RIN2: variants seen among roughly 807,000 people sequenced by gnomAD.
RIN2 encodes the protein RAB5 interacting protein 2.
RIN2 carries 36 observed loss-of-function variants against 78.0 expected under a neutral mutation model. The ratio of observed to expected loss-of-function variants is 0.46; its 90% CI spans 0.35 to 0.61. The LOEUF (loss-of-function observed/expected upper bound fraction) is 0.61, where lower values mean the gene tolerates loss of function less well. Among genes scored for constraint, RIN2 ranks in the 20% least tolerant of loss-of-function variants. RIN2 has a pLI of 0.00. For missense variants in RIN2, 1,087 were observed against 1,159.7 expected, an observed-to-expected ratio of 0.94 and a Z score of 0.91; for synonymous variants, 466 against 466.8, an observed-to-expected ratio of 1.00 and a Z score of 0.02.
At chr20:19,824,479 T>C (rs2036024450) in intron 2 of RIN2, among the ~76,000 whole-genome samples, 1 of 151,420 alleles carries the variant, frequency 6.6e-6, no homozygotes, top group Non-Finnish European at 1.5e-5. Flanking sequence ...AGATTTATGG[T>C]GTATCTAGTG....
At chr20:19,953,875 G>A (rs1451333255) in intron 4 of RIN2, among the ~76,000 whole-genome samples, 9 of 152,112 alleles carry the variant, frequency 5.9e-5, no homozygotes. Flanking sequence ...CCCAATACCT[G>A]CAGGCCCTGG....
intron 2 of RIN2, among the ~76,000 whole-genome samples, chr20:19,856,783 G>A (rs991645766): frequency 7.9e-5 from 12 of 152,064 alleles, no homozygotes; most frequent in Admixed American, 2.0e-4. Context: ...GCATTCCAGC[G>A]ACTGGTCATC....
rs551855782 is a variant in RIN2, at chr20:19,814,357, A to G, written c.-37+14610A>G. Among the ~76,000 whole-genome samples the G allele has an allele frequency of 1.6e-4, 25 of 152,216 alleles. No individual in the cohort carries two copies. In the South Asian group the frequency reaches 4.8e-3, roughly 29 times the overall value. On this transcript the variant is annotated intron_variant, in intron 2 of 12. Coordinates refer to ENST00000255006, the MANE Select transcript of RIN2 (RefSeq NM_018993.4). Reference sequence around the variant, plus strand: ...AGGTGGACGTGAGGTCGCGGTGCACACTTGCCCTTTCCCCTCCTCCCACCC... The same window carrying G: ...AGGTGGACGTGAGGTCGCGGTGCACGCTTGCCCTTTCCCCTCCTCCCACCC...
rs528965330 is a variant in RIN2, at chr20:19,983,743, TG to T, written c.1763-6262del. ...CTAACATGCATATGTTGCGTAGTGA[TG>T]AAGTCTGGGCTTCTGGTATACCCAT... On this transcript the variant is annotated intron_variant, in intron 9 of 12. Transcript: ENST00000255006. Among the ~76,000 whole-genome samples the T allele has an allele frequency of 3.6e-3, 539 of 151,712 alleles. 6 individuals are homozygous for T. Among genetic ancestry groups the T allele is most frequent in the African/African-American group, 0.013 (520 of 41,002 alleles).
chr20:19,914,603 C>A (rs114364646), intron 3 of RIN2, among the ~76,000 whole-genome samples: 1 of 152,162 alleles, frequency 6.6e-6, no homozygotes, highest in East Asian at 1.9e-4. Flanking sequence ...GCCAGCTGGA[C>A]GAGACACTGG....
At chr20:19,859,616 A>C (rs929416971) in intron 2 of RIN2, among the ~76,000 whole-genome samples, 20 of 152,162 alleles carry the variant, frequency 1.3e-4, no homozygotes, top group Admixed American at 6.5e-4. Flanking sequence ...CATCTATTCC[A>C]TGACAGTAGC....
intron 11 of RIN2, 98 bp downstream of exon 11, chr20:19,992,397 A>C: frequency 4.2e-6 from 5 of 1,198,848 alleles, no homozygotes; most frequent in Non-Finnish European, 4.6e-6. Context: ...TAATCATTTT[A>C]CAGTGAATAA....
At chr20:19,939,463 G>C (rs1257893143) in intron 4 of RIN2, among the ~76,000 whole-genome samples, 1 of 152,196 alleles carries the variant, frequency 6.6e-6, no homozygotes, top group Non-Finnish European at 1.5e-5. Context: ...TAGCCAAGCA[G>C]CATGGTGAAC....
At chr20:19,786,676 G>A (rs1288379209) in intron 1 of RIN2, among the ~76,000 whole-genome samples, 1 of 152,214 alleles carries the variant, frequency 6.6e-6, no homozygotes, top group South Asian at 2.1e-4. Flanking sequence ...AGATAATGAG[G>A]ATGCATGAAG....
chr20:19,838,106 T>G (rs1568800152), intron 2 of RIN2, among the ~76,000 whole-genome samples: 1 of 152,234 alleles, frequency 6.6e-6, no homozygotes. Context: ...CTTCTCTCAT[T>G]GGAAGGCTAT....
chr20:19,849,196 G>C (rs1046305515), intron 2 of RIN2, among the ~76,000 whole-genome samples: 2 of 152,098 alleles, frequency 1.3e-5, no homozygotes, highest in South Asian at 2.1e-4. Context: ...GGTTCCCTGT[G>C]AGCTCATCCT....
intron 2 of RIN2, among the ~76,000 whole-genome samples, chr20:19,805,124 A>G (rs2035364573): frequency 6.6e-6 from 1 of 152,220 alleles, no homozygotes; most frequent in Non-Finnish European, 1.5e-5. Context: ...TCAAGTGTTC[A>G]GTGAGTGTTA....
intron 2 of RIN2, among the ~76,000 whole-genome samples, chr20:19,882,700 A>G (rs1600689752): frequency 6.6e-6 from 1 of 152,204 alleles, no homozygotes; most frequent in African/African-American, 2.4e-5. Flanking sequence ...CACTGATCAC[A>G]TGGAGCTTTT....
At position 19,975,786 on chromosome 20, in the gene RIN2, A is replaced by T; in HGVS notation, c.1761A>T (p.Ile587=). The T allele has an allele frequency of 1.2e-6, 2 of 1,605,176 alleles. No individual in the cohort carries two copies. The highest frequency in any genetic ancestry group is 1.7e-6 in the Non-Finnish European group (2 of 1,175,852). ...AGTCGCTGATCCCTGAAGACCAAAT[A>T]GGTAAGTACCCTCTTTTTTAAAATA... ...PIESLIPEDQ[I]DVVLEKAMHK... is the part of the protein sequence containing the mutation. Residue 587 remains isoleucine, a splice_region_variant and synonymous_variant, in exon 9 of 13, where the codon ATA becomes ATT. Coordinates refer to ENST00000255006, the MANE Select transcript of RIN2 (RefSeq NM_018993.4). This position sits in a 1 kb window ranked among gnomAD's most constrained non-coding sequence, Gnocchi z 4.9.
intron 2 of RIN2, among the ~76,000 whole-genome samples, chr20:19,873,596 C>A (rs1032776960): frequency 2.0e-5 from 3 of 152,168 alleles, no homozygotes; most frequent in Non-Finnish European, 1.5e-5. Flanking sequence ...CTCAAAAGCA[C>A]ATGGTAGGTG....
chr20:19,982,971 C>CT (rs1242592191), intron 9 of RIN2, among the ~76,000 whole-genome samples: 2 of 152,236 alleles, frequency 1.3e-5, no homozygotes, highest in Non-Finnish European at 2.9e-5. Context: ...ATAAAGCAAA[C>CT]TATATTGGCT....
chr20:19,992,319 G>T lies in RIN2; in HGVS notation c.2200+20G>T. 6.5e-7 allele frequency: 1 copy of T among 1,541,718 alleles called. No homozygotes were observed. Among genetic ancestry groups the T allele is most frequent in the Non-Finnish European group, 8.8e-7 (1 of 1,141,414 alleles). ...GAGAAGGTAACTGCTTTTGAGAAAA[G>T]TTGAAGGAACTGGGTGCTATTTTTT... On this transcript the variant is annotated intron_variant, in intron 11 of 12. Coordinates refer to ENST00000255006, the MANE Select transcript of RIN2 (RefSeq NM_018993.4).
At chr20:19,811,645 G>A (rs1308083073) in intron 2 of RIN2, among the ~76,000 whole-genome samples, 2 of 152,122 alleles carry the variant, frequency 1.3e-5, no homozygotes, top group Admixed American at 6.5e-5. Context: ...TGCCTACAAG[G>A]TCTTTGGTCT....
At chr20:19,978,792 C>T (rs1250723320) in intron 9 of RIN2, among the ~76,000 whole-genome samples, 1 of 152,198 alleles carries the variant, frequency 6.6e-6, no homozygotes. Flanking sequence ...CCCAGAGAGC[C>T]ATCACCTACT....
Sources: gnomAD v4.1 joint callset for allele counts (sites outside exome capture counted in the v4.1 genomes callset) on GRCh38, gnomAD v4.1.1 for gene constraint, Gnocchi (gnomAD v3.1) non-coding constraint, MANE v1.5 for transcripts, NCBI Gene and HGNC (gene_info 2026-07-23, HGNC 2026-07-21) for gene names.